MACF1: variants seen among roughly 807,000 people sequenced by gnomAD.
MACF1 encodes the protein microtubule-actin cross-linking factor 1.
MACF1 carries 193 observed loss-of-function variants against 854.8 expected under a neutral mutation model. That is an observed-to-expected ratio of 0.23 (90% CI 0.20 to 0.25). MACF1 has a LOEUF of 0.25. MACF1 is among the 10% of genes least tolerant of loss of function. The pLI, the probability that MACF1 is intolerant of heterozygous loss-of-function variation, is 1.00. For synonymous variants in MACF1, 3,185 were observed against 3,226.7 expected (o/e 0.99, Z 0.44); for missense variants, 7,722 against 8,929.1 (o/e 0.86, Z 5.45).
intron 18 of MACF1, 38 bp from the exon 19 acceptor site, chr1:39,295,008 A>G (rs775454205): frequency 6.8e-7 from 1 of 1,473,002 alleles, no homozygotes; most frequent in South Asian, 1.1e-5. Flanking sequence ...CCCCACTGCC[A>G]AGAGTGCTTA....
chr1:39,219,124 T>C (rs1644617218), intron 1 of MACF1, among the ~76,000 whole-genome samples: 2 of 152,224 alleles, frequency 1.3e-5, no homozygotes, highest in Admixed American at 1.3e-4. Flanking sequence ...CTTCTACAGT[T>C]GTCACTTCCT....
At chr1:39,088,368 C>T (rs1380308477) in intron 2 of MACF1, among the ~76,000 whole-genome samples, 3 of 151,990 alleles carry the variant, frequency 2.0e-5, no homozygotes, top group Non-Finnish European at 2.9e-5. Flanking sequence ...GGATTACAGG[C>T]GTGAGCCACC....
chr1:39,097,771 G>A (rs899143232), intron 2 of MACF1, among the ~76,000 whole-genome samples: 1 of 152,090 alleles, frequency 6.6e-6, no homozygotes, highest in Non-Finnish European at 1.5e-5. Context: ...TGTTATAGGG[G>A]CCTGTGCCCC....
At chr1:39,291,121 C>T (rs1204054628) in intron 15 of MACF1, among the ~76,000 whole-genome samples, 9 of 151,762 alleles carry the variant, frequency 5.9e-5, no homozygotes, top group African/African-American at 1.7e-4. Context: ...GGATTACAGG[C>T]GCCCACCACC....
In MACF1 at chr1:39,322,588, CGAAA is replaced by C; in HGVS notation, c.4030-19_4030-16del. The C allele has an allele frequency of 6.3e-7, 1 of 1,577,930 alleles. No homozygotes were observed. The highest frequency in any genetic ancestry group is 8.7e-7 in the Non-Finnish European group (1 of 1,147,130). On this transcript the variant is annotated splice_polypyrimidine_tract_variant and intron_variant, in intron 31 of 100. Transcript: ENST00000564288. ...ATTATAAAACCCTGAGTAACTGTAG[CGAAA>C]TTCATCCTTTCCTAGGACTATGAAT...
At chr1:39,205,439 C>T (rs1322114755) in intron 1 of MACF1, among the ~76,000 whole-genome samples, 1 of 152,150 alleles carries the variant, frequency 6.6e-6, no homozygotes, top group Non-Finnish European at 1.5e-5. Context: ...AGTCTTTCCT[C>T]AGAGAACTGA....
intron 2 of MACF1, among the ~76,000 whole-genome samples, chr1:39,112,377 C>G (rs1199385199): frequency 6.6e-6 from 1 of 152,142 alleles, no homozygotes; most frequent in Non-Finnish European, 1.5e-5. Flanking sequence ...AGCCACTGTG[C>G]CTGGCCACAG....
rs1173652694 is a variant in MACF1, at chr1:39,350,960, T to G, written c.11141T>G (p.Val3714Gly). ...QYEALQEETRVAQKELEEAVT... is the reference protein window; with the variant it reads ...QYEALQEETRGAQKELEEAVT... ...GAGGCGCTCCAGGAAGAGACACGTG[T>G]GGCCCAGAAGGAACTGGAGGAAGCA... is the stretch of plus-strand genomic sequence containing the variant. Residue 3714 changes from valine to glycine, a missense_variant, in exon 43 of 101, where the codon GTG becomes GGG. Transcript: ENST00000564288. The G allele has an allele frequency of 2.5e-6, 4 of 1,614,114 alleles. No individual in the cohort carries two copies. Among genetic ancestry groups the G allele is most frequent in the Non-Finnish European group, 3.4e-6 (4 of 1,180,000 alleles).
intron 2 of MACF1, among the ~76,000 whole-genome samples, chr1:39,182,959 C>CT (rs1435860680): frequency 2.6e-5 from 4 of 152,178 alleles, no homozygotes; most frequent in African/African-American, 9.7e-5. Context: ...GCTGAAACAT[C>CT]TATCAACTGA....
At chr1:39,306,589 AT>A (rs1190973167) in intron 23 of MACF1, among the ~76,000 whole-genome samples, 1 of 147,206 alleles carries the variant, frequency 6.8e-6, no homozygotes, top group African/African-American at 2.5e-5. Flanking sequence ...TTTTGGAAAC[AT>A]TTATTCTGGA....
Position 39,340,635 on chromosome 1 carries a change from A to C in MACF1, c.10349A>C (p.Asn3450Thr). 11 of 1,614,220 alleles carry C rather than the reference A, an allele frequency of 6.8e-6. No homozygotes were observed. Among genetic ancestry groups the C allele is most frequent in the Non-Finnish European group, 9.3e-6 (11 of 1,180,030 alleles). Residue 3450 changes from asparagine (N) to threonine (T), a missense_variant, in exon 39 of 101, where the codon AAT becomes ACT. This residue lies in a region of MACF1 where 854 missense variants were observed against 852.6 expected (regional missense o/e 1.00). Coordinates refer to ENST00000564288, the MANE Select transcript of MACF1 (RefSeq NM_001394062.1). ...AAGGCTCTAGAGAAAGATGCCAAGA[A>C]TCTTCAGAAGTCTCTCAGCTCTGTG... ...LLKALEKDAK[N>T]LQKSLSSVSD... is the part of the protein sequence containing the mutation.
chr1:39,364,873 T>C (rs1299177301), intron 49 of MACF1, among the ~76,000 whole-genome samples: 1 of 152,214 alleles, frequency 6.6e-6, no homozygotes, highest in Non-Finnish European at 1.5e-5. Flanking sequence ...GTTTGAAAGA[T>C]TTTTGTCACA....
chr1:39,362,210 G>A (rs1648248221), intron 49 of MACF1, among the ~76,000 whole-genome samples: 1 of 152,096 alleles, frequency 6.6e-6, no homozygotes, highest in Admixed American at 6.5e-5. Context: ...AATTTAATTC[G>A]ACTCAGTAGT....
At chr1:39,292,676 C>G (rs1489127101) in intron 16 of MACF1, 90 bp from the exon 17 acceptor site, 5 of 889,704 alleles carry the variant, frequency 5.6e-6, no homozygotes, top group Non-Finnish European at 8.6e-6. Context: ...ATATCTCTAT[C>G]TAGACATAAT....
intron 2 of MACF1, among the ~76,000 whole-genome samples, chr1:39,242,565 A>G (rs1644936918): frequency 6.6e-6 from 1 of 152,018 alleles, no homozygotes; most frequent in African/African-American, 2.4e-5. Context: ...CTTGGGCAAC[A>G]TGGCAAAACC....
At chr1:39,416,394 C>G (rs1054815906) in intron 58 of MACF1, among the ~76,000 whole-genome samples, 1 of 151,618 alleles carries the variant, frequency 6.6e-6, no homozygotes, top group South Asian at 2.1e-4. Flanking sequence ...ACCTCTAATC[C>G]CAACATTTGG....
chr1:39,295,503 C>T (rs1320226345), intron 19 of MACF1, among the ~76,000 whole-genome samples: 3 of 152,142 alleles, frequency 2.0e-5, no homozygotes. Context: ...TGGAAGAATT[C>T]CAGAGGAATT....
intron 58 of MACF1, among the ~76,000 whole-genome samples, chr1:39,396,933 C>T (rs913730103): frequency 6.6e-6 from 1 of 152,178 alleles, no homozygotes; most frequent in Non-Finnish European, 1.5e-5. Context: ...TTTTCAACTA[C>T]GAGTCTCTCT....
intron 2 of MACF1, among the ~76,000 whole-genome samples, chr1:39,102,212 A>AG (rs1553130571): frequency 1.0e-4 from 15 of 150,296 alleles, no homozygotes; most frequent in South Asian, 2.1e-4. Context: ...AGAGAGAGAG[A>AG]AAGAGAGAGA....
Sources: allele counts gnomAD v4.1 joint callset (sites outside exome capture counted in the v4.1 genomes callset), GRCh38; gene constraint gnomAD v4.1.1; regional missense constraint gnomAD v4.1.1; transcripts MANE v1.5; gene names NCBI Gene and HGNC (gene_info 2026-07-23, HGNC 2026-07-21).